Variants in MITF observed in about 807,000 individuals in gnomAD.
MITF encodes melanocyte inducing transcription factor, also known as microphthalmia-associated transcription factor.
A neutral mutation model predicts 60.5 loss-of-function variants in MITF; 17 were observed. The ratio of observed to expected loss-of-function variants is 0.28; its 90% CI spans 0.19 to 0.42. The LOEUF (loss-of-function observed/expected upper bound fraction) is 0.42. MITF is among the 10% of genes least tolerant of loss of function. MITF has a pLI of 1.00. For missense variants in MITF, 622 were observed against 683.5 expected, an observed-to-expected ratio of 0.91 and a Z score of 1.00; for synonymous variants, 260 against 248.5, an observed-to-expected ratio of 1.05 and a Z score of -0.43.
At chr3:69,929,870 T>C (rs927481515) in intron 2 of MITF, among the ~76,000 whole-genome samples, 10 of 152,124 alleles carry the variant, frequency 6.6e-5, no homozygotes, top group Admixed American at 6.6e-5. Flanking sequence ...GATTATTTTC[T>C]GAAGATGGAA....
Position 69,965,647 on chromosome 3 carries a change from CAAAAAGAAAAAA to C in MITF, c.*409_*420del, listed in dbSNP as rs946800961. ...TTTAATTGAAAGAATGTAAAGCAAC[CAAAAAGAAAAAA>C]AAAAAGAAAGAAAGAGGAAAAGAAA... On this transcript the variant is annotated 3_prime_UTR_variant, in exon 10 of 10. Coordinates refer to ENST00000352241, the MANE Select transcript of MITF (RefSeq NM_001354604.2). 2.5e-5 allele frequency: 6 copies of C among 236,444 alleles called. No homozygotes were observed. Among genetic ancestry groups the C allele is most frequent in the Middle Eastern group, 1.3e-3 (1 of 792 alleles). 14.6% of individuals were successfully genotyped at this position (236,444 alleles called of 1,614,324 possible).
rs928562262 is a variant in MITF, at chr3:69,835,128, C to T, written c.105-44006C>T. 2.0e-5 allele frequency among the ~76,000 whole-genome samples: 3 copies of T among 147,462 alleles called. No homozygotes were observed. In the Admixed American group the frequency reaches 2.1e-4, roughly 10 times the overall value. On this transcript the variant is annotated intron_variant, in intron 1 of 9. Coordinates refer to ENST00000352241, the MANE Select transcript of MITF (RefSeq NM_001354604.2). ...TGACCTCTTGCCTCAAGCCATCATC[C>T]CATTTCAATCTCCCAAGTAGCTGGG...
In MITF at chr3:69,964,855, A is replaced by G; in HGVS notation, c.1188A>G (p.Glu396=). 6.2e-7 allele frequency: 1 copy of G among 1,614,082 alleles called. No individual in the cohort carries two copies. The highest frequency in any genetic ancestry group is 8.5e-7 in the Non-Finnish European group (1 of 1,180,010). ...RHLLLRIQEL[E]MQARAHGLSL... ...CTTTACTCTTATTATAGGAACTTGA[A>G]ATGCAGGCTCGAGCTCATGGACTTT... The change falls in exon 10 of 10, where the codon GAA becomes GAG. Residue 396 remains glutamate (E), a synonymous_variant. Coordinates refer to ENST00000352241, the MANE Select transcript of MITF (RefSeq NM_001354604.2).
intron 1 of MITF, among the ~76,000 whole-genome samples, chr3:69,806,194 C>G (rs981583638): frequency 1.3e-5 from 2 of 151,890 alleles, no homozygotes; most frequent in African/African-American, 4.8e-5. Context: ...AAGTGATTCT[C>G]CTGCCTCAGC....
intron 1 of MITF, among the ~76,000 whole-genome samples, chr3:69,832,688 TG>T (rs113296553): frequency 0.18 from 23,283 of 131,220 alleles, 2,049 homozygotes; most frequent in Non-Finnish European, 0.25. Context: ...ACAGTGTATG[TG>T]TTTTTTTTGC....
chr3:69,761,565 A>G (rs529921926), intron 1 of MITF, among the ~76,000 whole-genome samples: 2 of 152,326 alleles, frequency 1.3e-5, no homozygotes, highest in African/African-American at 2.4e-5. Flanking sequence ...TGATTTTTGA[A>G]TGGAAAGGAG....
intron 7 of MITF, among the ~76,000 whole-genome samples, chr3:69,953,881 T>C (rs890115164): frequency 6.6e-6 from 1 of 152,000 alleles, no homozygotes; most frequent in Admixed American, 6.6e-5. Flanking sequence ...AATATCCCAT[T>C]GTGTAAAAAT....
At chr3:69,936,819 C>T (rs2065847047) in intron 2 of MITF, 1 of 1,493,626 alleles carries the variant, frequency 6.7e-7, no homozygotes, top group Non-Finnish European at 9.3e-7. Context: ...ATTTAATCCA[C>T]TTTTTGTTAT....
At chr3:69,886,106 T>A (rs1180033415) in intron 2 of MITF, among the ~76,000 whole-genome samples, 1 of 152,008 alleles carries the variant, frequency 6.6e-6, no homozygotes, top group Non-Finnish European at 1.5e-5. Flanking sequence ...TGGTAATACC[T>A]CTCCTGGAGG....
chr3:69,905,184 G>A (rs1379519503), intron 2 of MITF, among the ~76,000 whole-genome samples: 1 of 151,966 alleles, frequency 6.6e-6, no homozygotes, highest in African/African-American at 2.4e-5. Context: ...CACTATAGAT[G>A]AGTTTGTAAT....
intron 1 of MITF, among the ~76,000 whole-genome samples, chr3:69,798,070 T>C (rs192863398): frequency 1.3e-5 from 2 of 152,344 alleles, no homozygotes; most frequent in East Asian, 3.9e-4. Context: ...GACTCTGAGC[T>C]GGGATATGTG....
intron 2 of MITF, among the ~76,000 whole-genome samples, chr3:69,913,827 T>G (rs1376064404): frequency 6.6e-6 from 1 of 152,188 alleles, no homozygotes; most frequent in Non-Finnish European, 1.5e-5. Flanking sequence ...CTTCCCATAT[T>G]CAAGATGATA....
At chr3:69,815,308 T>G (rs2063164704) in intron 1 of MITF, among the ~76,000 whole-genome samples, 1 of 152,228 alleles carries the variant, frequency 6.6e-6, no homozygotes, top group African/African-American at 2.4e-5. Flanking sequence ...AGTAATAAGG[T>G]TGACTCTGGA....
chr3:69,750,231 C>T (rs954499872), intron 1 of MITF, among the ~76,000 whole-genome samples: 1 of 152,032 alleles, frequency 6.6e-6, no homozygotes, highest in African/African-American at 2.4e-5. Flanking sequence ...AGTGGAGAAT[C>T]TGATACAGGC....
chr3:69,938,089 A>G (rs367710708), intron 3 of MITF, 40 bp downstream of exon 3: 424 of 1,587,194 alleles, frequency 2.7e-4, no homozygotes, highest in Non-Finnish European at 3.2e-4. Flanking sequence ...TTCTTATGCT[A>G]AATAACTTGT....
intron 2 of MITF, among the ~76,000 whole-genome samples, chr3:69,913,364 C>T (rs1241444703): frequency 1.3e-5 from 2 of 152,150 alleles, no homozygotes; most frequent in Non-Finnish European, 2.9e-5. Context: ...CTGAATGACA[C>T]TTCCACCTAA....
chr3:69,836,051 A>G (rs911011009), intron 1 of MITF, among the ~76,000 whole-genome samples: 1 of 151,946 alleles, frequency 6.6e-6, no homozygotes, highest in Non-Finnish European at 1.5e-5. Flanking sequence ...AAAGCTATAG[A>G]TTGGTTTGGA....
At chr3:69,774,331 A>T (rs929544028) in intron 1 of MITF, among the ~76,000 whole-genome samples, 1 of 152,156 alleles carries the variant, frequency 6.6e-6, no homozygotes, top group Admixed American at 6.5e-5. Context: ...GTCTTTTATT[A>T]TTCAAGAATG....
At chr3:69,821,867 C>T (rs1033160392) in intron 1 of MITF, among the ~76,000 whole-genome samples, 4 of 152,176 alleles carry the variant, frequency 2.6e-5, no homozygotes, top group Admixed American at 2.0e-4. Context: ...CTCAGCCTCC[C>T]GAGTAGCTGG....
Sources: allele counts gnomAD v4.1 joint callset (sites outside exome capture counted in the v4.1 genomes callset), GRCh38; gene constraint gnomAD v4.1.1; transcripts MANE v1.5; gene names NCBI Gene and HGNC (gene_info 2026-07-23, HGNC 2026-07-21).